PCDHGB2: variants seen among roughly 807,000 people sequenced by gnomAD.
PCDHGB2 encodes protocadherin gamma-B2.
Under a neutral mutation model 59.3 loss-of-function variants are expected in PCDHGB2, and 55 were observed. The observed-to-expected ratio is 0.93, with a 90% CI of 0.75 to 1.16. The LOEUF (loss-of-function observed/expected upper bound fraction) is 1.16. Ranked by LOEUF, PCDHGB2 falls within the 50% of genes most tolerant of loss-of-function variation. The probability of loss-of-function intolerance (pLI) is 0.00; values close to 1 mark genes in which losing one functional copy is unlikely to be tolerated. For missense variants in PCDHGB2, 1,228 were observed against 1,198.5 expected (o/e 1.02, Z -0.36); for synonymous variants, 516 against 512.0 (o/e 1.01, Z -0.11).
chr5:141,391,238 T>A (rs1388439892), intron 1 of PCDHGB2: 1 of 152,120 alleles, frequency 6.6e-6, no homozygotes, highest in Non-Finnish European at 1.5e-5. Flanking sequence ...TTGCTAGGTA[T>A]ATCTAAGCAA....
intron 1 of PCDHGB2, among the ~76,000 whole-genome samples, chr5:141,464,983 C>G (rs1294132264): frequency 6.6e-6 from 1 of 152,050 alleles, no homozygotes; most frequent in African/African-American, 2.4e-5. Flanking sequence ...TTCAAGTGAT[C>G]CTCCCACCTC....
chr5:141,413,417 T>A (rs777399697), intron 1 of PCDHGB2: 1 of 1,614,086 alleles, frequency 6.2e-7, no homozygotes, highest in Non-Finnish European at 8.5e-7. Context: ...CTTTTCTCTC[T>A]GAACCCGCGC....
intron 1 of PCDHGB2, chr5:141,394,033 G>C (rs1242755844): frequency 1.2e-6 from 2 of 1,613,422 alleles, no homozygotes; most frequent in Non-Finnish European, 1.7e-6. Context: ...TTAGTGACAA[G>C]GAAATATTTG....
intron 1 of PCDHGB2, chr5:141,393,283 C>T (rs2150516449): frequency 6.2e-7 from 1 of 1,613,988 alleles, no homozygotes; most frequent in Middle Eastern, 1.6e-4. Flanking sequence ...CTCCCAGAAG[C>T]TGTTGACCCG....
intron 1 of PCDHGB2, chr5:141,387,823 A>G: frequency 6.3e-7 from 1 of 1,581,002 alleles, no homozygotes; most frequent in South Asian, 1.2e-5. Context: ...AATCTGCAAT[A>G]CAGAGGTTAT....
chr5:141,400,636 G>T (rs1478195116), intron 1 of PCDHGB2: 4 of 1,325,644 alleles, frequency 3.0e-6, no homozygotes, highest in Non-Finnish European at 4.2e-6. Context: ...AGTCAGAGCT[G>T]CTCAGAAAGC....
chr5:141,445,786 C>A (rs1189294394), intron 1 of PCDHGB2, among the ~76,000 whole-genome samples: 2 of 152,018 alleles, frequency 1.3e-5, no homozygotes, highest in Non-Finnish European at 2.9e-5. Flanking sequence ...GCTAGGGAGG[C>A]TAGAAACAGA....
chr5:141,489,260 CACA>C lies in PCDHGB2; in HGVS notation c.2422-5546_2422-5544del, dbSNP rs1242559724. 1 of 1,552,022 alleles carries C rather than the reference CACA, an allele frequency of 6.4e-7. No individual in the cohort carries two copies. Among genetic ancestry groups the C allele is most frequent in the Non-Finnish European group, 8.7e-7 (1 of 1,149,038 alleles). ...TGGGTCATGGGGCCCAAGACACTCCCACAGCTCGCTGGGAAATGGCAAGTGCTG... is the reference window on the plus strand; with the variant it reads ...TGGGTCATGGGGCCCAAGACACTCCCGCTCGCTGGGAAATGGCAAGTGCTG... On this transcript the variant is annotated intron_variant, in intron 1 of 3. Coordinates refer to ENST00000522605, the MANE Select transcript of PCDHGB2 (RefSeq NM_018923.3). The surrounding 1 kb of genome is among the most constrained non-coding windows in gnomAD (Gnocchi z 4.5).
chr5:141,392,844 G>C lies in PCDHGB2; in HGVS notation c.2421+30288G>C, dbSNP rs201895231. On this transcript the variant is annotated intron_variant, in intron 1 of 3. Coordinates refer to ENST00000522605, the MANE Select transcript of PCDHGB2 (RefSeq NM_018923.3). ...CGCTCCACAGAGTCGCCCCAGACGCGGCGAGCTGATCCTGCTGTGCGCGCT... is the reference window on the plus strand; with the variant it reads ...CGCTCCACAGAGTCGCCCCAGACGCCGCGAGCTGATCCTGCTGTGCGCGCT... 32 of 1,609,468 alleles carry C rather than the reference G, an allele frequency of 2.0e-5. No homozygotes were observed. The highest frequency in any genetic ancestry group is 2.5e-5 in the Non-Finnish European group (29 of 1,177,978).
intron 1 of PCDHGB2, among the ~76,000 whole-genome samples, chr5:141,447,353 G>C (rs559895274): frequency 6.6e-6 from 1 of 152,032 alleles, no homozygotes; most frequent in Admixed American, 6.6e-5. Context: ...TGGTCAGGCT[G>C]GTCTCAAACT....
chr5:141,388,958 C>G, intron 1 of PCDHGB2: 1 of 1,613,930 alleles, frequency 6.2e-7, no homozygotes, highest in Non-Finnish European at 8.5e-7. Context: ...TGGAGGACGC[C>G]GAGCTGGGAA....
rs1221134827 is a variant in PCDHGB2 at position 141,374,345 on chromosome 5, G to T, written c.2421+11789G>T. ...GCGAAACGGCAGCTTGGTCACCGCGGGTAGGATAGACCGCGAGGAGCTCTG... is the reference window on the plus strand; with the variant it reads ...GCGAAACGGCAGCTTGGTCACCGCGTGTAGGATAGACCGCGAGGAGCTCTG... On this transcript the variant is annotated intron_variant, in intron 1 of 3. Coordinates refer to ENST00000522605, the MANE Select transcript of PCDHGB2 (RefSeq NM_018923.3). The T allele has an allele frequency of 3.7e-6, 6 of 1,613,900 alleles. No homozygotes were observed. The African/African-American group carries it at 8.0e-5, about 22-fold the overall frequency.
intron 1 of PCDHGB2, chr5:141,427,726 T>C: frequency 8.7e-7 from 1 of 1,155,152 alleles, no homozygotes; most frequent in Non-Finnish European, 1.3e-6. Context: ...GACCTAGGGC[T>C]GAATGGCCAA....
chr5:141,417,038 T>TTA (rs1491140470), intron 1 of PCDHGB2: 1 of 145,854 alleles, frequency 6.9e-6, no homozygotes, highest in Non-Finnish European at 1.5e-5. Context: ...GTTTTTTTTT[T>TTA]AAAAAAAACT....
At chr5:141,400,538 A>G (rs994052728) in intron 1 of PCDHGB2, 1 of 1,613,662 alleles carries the variant, frequency 6.2e-7, no homozygotes, top group African/African-American at 1.3e-5. Context: ...AGTTTCATTT[A>G]TGTCTATTCT....
intron 1 of PCDHGB2, among the ~76,000 whole-genome samples, chr5:141,472,815 C>T (rs1562036829): frequency 1.3e-5 from 2 of 151,596 alleles, no homozygotes; most frequent in East Asian, 1.9e-4. Flanking sequence ...GAGAAACCCC[C>T]GTCTCTACTA....
At chr5:141,422,561 A>T in intron 1 of PCDHGB2, 1 of 1,613,992 alleles carries the variant, frequency 6.2e-7, no homozygotes, top group Non-Finnish European at 8.5e-7. Context: ...AATGTGGCAG[A>T]TGACAACGAT....
intron 1 of PCDHGB2, among the ~76,000 whole-genome samples, chr5:141,401,851 T>C (rs902809229): frequency 3.9e-5 from 6 of 152,242 alleles, no homozygotes; most frequent in African/African-American, 1.4e-4. Context: ...CACTTACTTT[T>C]AACCTTTCAG....
intron 1 of PCDHGB2, among the ~76,000 whole-genome samples, chr5:141,425,386 G>C (rs2096871887): frequency 6.6e-6 from 1 of 152,224 alleles, no homozygotes; most frequent in South Asian, 2.1e-4. Context: ...TTCGGAGGTA[G>C]TGATAAAGTT....
Sources: allele counts gnomAD v4.1 joint callset (sites outside exome capture counted in the v4.1 genomes callset), GRCh38; gene constraint gnomAD v4.1.1; non-coding constraint Gnocchi (gnomAD v3.1); transcripts MANE v1.5; gene names NCBI Gene and HGNC (gene_info 2026-07-23, HGNC 2026-07-21).